Variants in AP2A1 observed in about 807,000 individuals in gnomAD.
The protein encoded by AP2A1 is AP-2 complex subunit alpha-1.
Under a neutral mutation model 107.3 loss-of-function variants are expected in AP2A1, and 21 were observed. The observed-to-expected ratio is 0.20, with a 90% CI of 0.14 to 0.28. AP2A1 has a LOEUF of 0.28. Ranked by LOEUF, AP2A1 falls within the 10% of genes least tolerant of loss-of-function variation. The pLI, the probability that AP2A1 is intolerant of heterozygous loss-of-function variation, is 1.00. For missense variants in AP2A1, 873 were observed against 1,307.7 expected (o/e 0.67, Z 5.13); for synonymous variants, 602 against 564.8 (o/e 1.07, Z -0.93).
At chr19:49,802,406 TTCTCCTTC>T (rs1478026077) in intron 15 of AP2A1, 9 of 1,022,638 alleles carry the variant, frequency 8.8e-6, no homozygotes, top group Non-Finnish European at 1.3e-5. Flanking sequence ...GCTCTTCCTT[TTCTCCTTC>T]TCTCCTTCCC....
At chr19:49,767,240 G>A in intron 1 of AP2A1, 40 bp downstream of exon 1, 1 of 1,605,422 alleles carries the variant, frequency 6.2e-7, no homozygotes, top group Non-Finnish European at 8.5e-7. Flanking sequence ...CGCGGGGGAG[G>A]GGGGAGCGTG....
At chr19:49,786,915 G>C (rs2084744111) in intron 4 of AP2A1, among the ~76,000 whole-genome samples, 1 of 152,232 alleles carries the variant, frequency 6.6e-6, no homozygotes, top group African/African-American at 2.4e-5. Context: ...GGGTGGGGCT[G>C]TCTGGCTCTA....
chr19:49,805,080 TG>T (rs1290876041), intron 18 of AP2A1: 1 of 191,496 alleles, frequency 5.2e-6, no homozygotes, highest in Non-Finnish European at 1.1e-5. Context: ...CTAATTTTTT[TG>T]TAGAGATGGG....
chr19:49,792,184 T>A, intron 5 of AP2A1, 120 bp downstream of exon 5: 1 of 953,216 alleles, frequency 1.0e-6, no homozygotes, highest in Non-Finnish European at 1.5e-6. Context: ...GGCTCCCACC[T>A]CAGCCCACGC....
At chr19:49,798,043 T>G (rs1437087314) in intron 7 of AP2A1, among the ~76,000 whole-genome samples, 3 of 152,242 alleles carry the variant, frequency 2.0e-5, no homozygotes. Flanking sequence ...CTGGGCTCAT[T>G]GCTGCCTTGT....
At chr19:49,770,539 A>G (rs2084545857) in intron 1 of AP2A1, among the ~76,000 whole-genome samples, 2 of 152,224 alleles carry the variant, frequency 1.3e-5, no homozygotes, top group Admixed American at 1.3e-4. Flanking sequence ...ACGGATGTTC[A>G]CTGCAACATT....
In AP2A1 at chr19:49,788,863, C is replaced by T. The variant is rs182076408; in HGVS notation, c.474-3072C>T. On this transcript the variant is annotated intron_variant, in intron 4 of 22. Transcript: ENST00000354293. The surrounding 1 kb of genome is among the most constrained non-coding windows in gnomAD (Gnocchi z 4.5). ...AACTTGATGACCACTGGGCAGTGAACGTTTCTGTAGGGTGAGCGTCTGGGG... is the reference window on the plus strand; with the variant it reads ...AACTTGATGACCACTGGGCAGTGAATGTTTCTGTAGGGTGAGCGTCTGGGG... 2.0e-5 allele frequency among the ~76,000 whole-genome samples: 3 copies of T among 152,256 alleles called. No homozygotes were observed. The highest frequency in any genetic ancestry group is 7.2e-5 in the African/African-American group (3 of 41,554).
intron 12 of AP2A1, 138 bp from the exon 13 acceptor site, chr19:49,801,252 G>C: frequency 1.0e-6 from 1 of 1,002,828 alleles, no homozygotes; most frequent in Admixed American, 2.3e-5. Context: ...GCCCCTGTCT[G>C]GTGCCTGGGG....
intron 18 of AP2A1, 111 bp from the exon 19 acceptor site, chr19:49,805,342 G>A (rs1202477364): frequency 1.2e-5 from 15 of 1,247,906 alleles, no homozygotes; most frequent in Non-Finnish European, 1.4e-5. Flanking sequence ...TTGCACCATG[G>A]GGTCCCTCAA....
intron 1 of AP2A1, among the ~76,000 whole-genome samples, chr19:49,770,809 T>TAG (rs1019025609): frequency 6.6e-6 from 1 of 151,994 alleles, no homozygotes; most frequent in Non-Finnish European, 1.5e-5. Context: ...TTGCCTAGAG[T>TAG]AGGGGCTGGT....
chr19:49,789,730 G>C (rs2073119113), intron 4 of AP2A1, among the ~76,000 whole-genome samples: 1 of 151,766 alleles, frequency 6.6e-6, no homozygotes, highest in Non-Finnish European at 1.5e-5. Context: ...CACCATGCCT[G>C]GCCCACCATC....
chr19:49,801,767 T>C lies in AP2A1; in HGVS notation c.1831T>C (p.Ser611Pro). The change falls in exon 14 of 23, where the codon TCC (serine) becomes CCC (proline). Residue 611 changes from serine to proline, a missense_variant. By Grantham distance (74) the Ser-to-Pro change is moderately conservative. Around this residue, in one of 4 missense-constraint regions of AP2A1, gnomAD observed 416 missense variants for 473.4 expected, o/e 0.88. Transcript: ENST00000354293. Reference protein sequence around the residue: ...EMPPFPERESSILAKLKRKKG... With the variant: ...EMPPFPERESPILAKLKRKKG... ...GCCGCCCTTCCCCGAGCGCGAGTCG[T>C]CCATCCTGGCCAAGCTGAAACGCAA... The C allele has an allele frequency of 6.4e-7, 1 of 1,568,390 alleles. No homozygotes were observed.
chr19:49,806,019 G>T, intron 21 of AP2A1, 78 bp downstream of exon 21: 23 of 1,611,278 alleles, frequency 1.4e-5, no homozygotes, highest in Non-Finnish European at 1.9e-5. Context: ...CTGTAAAGTG[G>T]GGCCAATTCC....
intron 4 of AP2A1, among the ~76,000 whole-genome samples, chr19:49,790,647 A>G (rs117347783): frequency 0.088 from 13,414 of 152,174 alleles, 685 homozygotes; most frequent in South Asian, 0.16. Flanking sequence ...TGATTCTCCC[A>G]CCTCAGCCTC....
intron 12 of AP2A1, 116 bp downstream of exon 12, chr19:49,801,174 C>A: frequency 9.4e-7 from 1 of 1,060,964 alleles, no homozygotes. Flanking sequence ...TCTCGGCCTC[C>A]ACCCCAATCC....
At chr19:49,800,723 G>T in intron 11 of AP2A1, 1 of 425,304 alleles carries the variant, frequency 2.4e-6, no homozygotes, top group East Asian at 4.8e-5. Flanking sequence ...TGCCCGCCTC[G>T]GCCTCCCAAA....
rs1334873155 is a variant in AP2A1 at position 49,781,723 on chromosome 19, C to T, written c.68-34C>T. The T allele has an allele frequency of 5.1e-6, 8 of 1,562,304 alleles. No individual in the cohort carries two copies. In the Admixed American group the frequency reaches 1.5e-4, roughly 30 times the overall value. On this transcript the variant is annotated intron_variant, in intron 1 of 22. Coordinates refer to ENST00000354293, the MANE Select transcript of AP2A1 (RefSeq NM_130787.3). The stretch of plus-strand genomic sequence containing the variant: ...GAGGGCAGGTGGCTGACTCCCCAGA[C>T]CCCTCACTGCCTACCCTCCTCCTCC...
At chr19:49,771,301 CT>C (rs1338468671) in intron 1 of AP2A1, among the ~76,000 whole-genome samples, 7 of 102,682 alleles carry the variant, frequency 6.8e-5, no homozygotes, top group Non-Finnish European at 1.1e-4. Flanking sequence ...AACCTCATCT[CT>C]TAAAAAAAAA....
intron 6 of AP2A1, 64 bp downstream of exon 6, chr19:49,793,156 C>T (rs1486297257): frequency 3.6e-6 from 5 of 1,399,902 alleles, no homozygotes; most frequent in Admixed American, 4.0e-5. Flanking sequence ...CTCTGACACC[C>T]CTCAGGCCCC....
Sources: allele counts gnomAD v4.1 joint callset (sites outside exome capture counted in the v4.1 genomes callset), GRCh38; gene constraint gnomAD v4.1.1; regional missense constraint gnomAD v4.1.1; non-coding constraint Gnocchi (gnomAD v3.1); transcripts MANE v1.5; gene names NCBI Gene and HGNC (gene_info 2026-07-23, HGNC 2026-07-21).